Variants in KLF8 observed in about 807,000 individuals in gnomAD.
KLF8 encodes KLF transcription factor 8, also known as Krueppel-like factor 8.
KLF8 carries 10 observed loss-of-function variants against 18.2 expected under a neutral mutation model. The observed-to-expected ratio is 0.55, with a 90% CI of 0.34 to 0.93. The LOEUF is 0.93. Ranked by LOEUF, KLF8 falls within the 40% of genes least tolerant of loss-of-function variation. The probability of loss-of-function intolerance (pLI) is 0.02; values close to 1 mark genes in which losing one functional copy is unlikely to be tolerated. For synonymous variants in KLF8, 109 were observed against 97.3 expected (o/e 1.12, Z -0.71); for missense variants, 264 against 277.9 (o/e 0.95, Z 0.36).
chrX:56,077,082 T>A, the KLF8 span, among the ~76,000 whole-genome samples: 1 of 111,755 alleles, frequency 8.9e-6, no homozygotes, highest in Non-Finnish European at 1.9e-5. Context: ...TTTCTCCCAT[T>A]TTGTAGGTTG....
chrX:56,090,415 G>A, the KLF8 span, among the ~76,000 whole-genome samples: 1 of 111,455 alleles, frequency 9.0e-6, no homozygotes, highest in Admixed American at 9.5e-5. Context: ...CATGCAATAC[G>A]AAGACACAGA....
At chrX:56,136,217 C>G in the KLF8 span, among the ~76,000 whole-genome samples, 2 of 111,586 alleles carry the variant, frequency 1.8e-5, no homozygotes, top group Non-Finnish European at 3.8e-5. Flanking sequence ...ATCAAGCTAC[C>G]AATGCCTTTC....
At position 56,265,229 on chromosome X, in the gene KLF8, G is replaced by A; in HGVS notation, c.131G>A (p.Ser44Asn). The A allele has an allele frequency of 8.3e-7, 1 of 1,209,270 alleles. No homozygotes were observed. The highest frequency in any genetic ancestry group is 1.1e-6 in the Non-Finnish European group (1 of 893,870). Reference sequence around the variant, plus strand: ...GATCCCCCTGAGATAGAATACAGAAGTAATATGACTTCTCCAACACTCCTG... The same window carrying A: ...GATCCCCCTGAGATAGAATACAGAAATAATATGACTTCTCCAACACTCCTG... ...NRDPPEIEYR[S>N]NMTSPTLLDA... The change falls in exon 3 of 6, where the codon AGT (serine) becomes AAT (asparagine). Residue 44 changes from serine (S) to asparagine (N), a missense_variant. Transcript: ENST00000468660.
At chrX:56,094,600 C>A in the KLF8 span, among the ~76,000 whole-genome samples, 2 of 110,653 alleles carry the variant, frequency 1.8e-5, no homozygotes, top group African/African-American at 6.5e-5. Context: ...AAGACGCCAT[C>A]AAAAAAACGT....
At chrX:55,940,563 A>G in the KLF8 span, among the ~76,000 whole-genome samples, 102 of 111,820 alleles carry the variant, frequency 9.1e-4, no homozygotes, top group Non-Finnish European at 1.5e-3. Flanking sequence ...AAGGACATTC[A>G]ATTAGGAAAA....
the KLF8 span, among the ~76,000 whole-genome samples, chrX:56,162,013 G>C: frequency 1.8e-5 from 2 of 112,156 alleles, no homozygotes; most frequent in Non-Finnish European, 3.8e-5. Context: ...CTGCAGGTCT[G>C]TTGGAGTTTG....
At chrX:56,097,341 CTTTT>C in the KLF8 span, among the ~76,000 whole-genome samples, 3 of 90,705 alleles carry the variant, frequency 3.3e-5, no homozygotes, top group African/African-American at 8.0e-5. Context: ...CCCTTTCTTT[CTTTT>C]TTTTTTTTTT....
At chrX:55,975,036 T>G in the KLF8 span, among the ~76,000 whole-genome samples, 7 of 111,867 alleles carry the variant, frequency 6.3e-5, no homozygotes, top group African/African-American at 2.3e-4. Flanking sequence ...TACATTCTGA[T>G]AAACAGAAAA....
the KLF8 span, among the ~76,000 whole-genome samples, chrX:55,999,303 G>GTTTTT: frequency 3.7e-5 from 1 of 27,204 alleles, no homozygotes. Flanking sequence ...TTTTTGCTTC[G>GTTTTT]TTTTGTTTTG....
intron 1 of KLF8, among the ~76,000 whole-genome samples, chrX:56,237,856 T>C (rs972660655): frequency 8.0e-5 from 9 of 111,914 alleles, no homozygotes; most frequent in Non-Finnish European, 1.5e-4. Context: ...CTTTCTGACC[T>C]GTAGAAGGCC....
At chrX:56,053,466 G>A in the KLF8 span, among the ~76,000 whole-genome samples, 4 of 108,242 alleles carry the variant, frequency 3.7e-5, no homozygotes, top group East Asian at 8.7e-4. Context: ...TATTGGCCTG[G>A]GGTGGGTTTT....
At chrX:55,938,337 T>C in the KLF8 span, among the ~76,000 whole-genome samples, 149 of 111,212 alleles carry the variant, frequency 1.3e-3, 2 homozygotes, top group East Asian at 0.028. Context: ...GAGATTTTGT[T>C]ACCACCAGGC....
At chrX:56,080,272 TG>T in the KLF8 span, among the ~76,000 whole-genome samples, 1 of 111,486 alleles carries the variant, frequency 9.0e-6, no homozygotes, top group Non-Finnish European at 1.9e-5. Flanking sequence ...GGCATGATTT[TG>T]CAGTGGCTGG....
the KLF8 span, among the ~76,000 whole-genome samples, chrX:56,131,928 CA>C: frequency 8.9e-6 from 1 of 111,995 alleles, no homozygotes; most frequent in African/African-American, 3.2e-5. Context: ...GCTTGTCCAA[CA>C]GGCAAATATC....
the KLF8 span, among the ~76,000 whole-genome samples, chrX:56,097,642 A>G: frequency 1.0e-5 from 1 of 99,864 alleles, no homozygotes; most frequent in Non-Finnish European, 2.0e-5. Flanking sequence ...AGCATTAGGT[A>G]TATCTCCTAA....
At chrX:56,202,999 C>A in the KLF8 span, among the ~76,000 whole-genome samples, 4 of 111,133 alleles carry the variant, frequency 3.6e-5, no homozygotes, top group Non-Finnish European at 7.6e-5. Context: ...GAGGAACCTC[C>A]AAACTGTTCT....
At chrX:56,203,106 G>A in the KLF8 span, among the ~76,000 whole-genome samples, 1 of 111,506 alleles carries the variant, frequency 9.0e-6, no homozygotes, top group African/African-American at 3.3e-5. Context: ...CTGTGTTTTG[G>A]ATAAAAGCTA....
At chrX:56,175,169 G>T in the KLF8 span, among the ~76,000 whole-genome samples, 1 of 111,209 alleles carries the variant, frequency 9.0e-6, no homozygotes, top group African/African-American at 3.3e-5. Context: ...GGCTTCTCTG[G>T]TTCTTTTAAC....
the KLF8 span, among the ~76,000 whole-genome samples, chrX:55,917,317 A>C: frequency 8.9e-6 from 1 of 112,081 alleles, no homozygotes; most frequent in African/African-American, 3.2e-5. Context: ...TCTTTGATAA[A>C]GTCAGTTCAA....
Sources: gnomAD v4.1 joint callset for allele counts (sites outside exome capture counted in the v4.1 genomes callset) on GRCh38, gnomAD v4.1.1 for gene constraint, MANE v1.5 for transcripts, NCBI Gene and HGNC (gene_info 2026-07-23, HGNC 2026-07-21) for gene names.